TMEFF1: variants seen among roughly 807,000 people sequenced by gnomAD.
TMEFF1 encodes the protein transmembrane protein with EGF like and two follistatin like domains 1, also known as tomoregulin-1.
TMEFF1 carries 20 observed loss-of-function variants against 47.5 expected under a neutral mutation model. The ratio of observed to expected loss-of-function variants is 0.42; its 90% confidence interval spans 0.30 to 0.61. The LOEUF (loss-of-function observed/expected upper bound fraction) is 0.61. Among genes scored for constraint, TMEFF1 ranks in the 20% least tolerant of loss-of-function variants. The probability of loss-of-function intolerance (pLI) is 0.19; values close to 1 mark genes in which losing one functional copy is unlikely to be tolerated. For missense variants in TMEFF1, 411 were observed against 471.1 expected, an observed-to-expected ratio of 0.87 and a Z score of 1.18; for synonymous variants, 162 against 166.3, an observed-to-expected ratio of 0.97 and a Z score of 0.20.
chr9:100,559,268 A>G (rs1838970754), intron 7 of TMEFF1, among the ~76,000 whole-genome samples: 1 of 152,190 alleles, frequency 6.6e-6, no homozygotes, highest in African/African-American at 2.4e-5. Flanking sequence ...TTGCAATGGC[A>G]GAATTATAGT....
intron 8 of TMEFF1, among the ~76,000 whole-genome samples, chr9:100,568,442 G>A (rs763111083): frequency 5.9e-5 from 9 of 152,130 alleles, no homozygotes; most frequent in Non-Finnish European, 1.2e-4. Context: ...ATGTTAGAAG[G>A]TGCCCTCTTT....
chr9:100,534,189 A>G (rs968260284), intron 5 of TMEFF1, among the ~76,000 whole-genome samples: 65 of 152,184 alleles, frequency 4.3e-4, no homozygotes, highest in African/African-American at 1.5e-3. Flanking sequence ...AAATTTTATG[A>G]TAAACATGAA....
intron 8 of TMEFF1, among the ~76,000 whole-genome samples, chr9:100,565,969 T>G (rs1010299158): frequency 4.6e-5 from 7 of 152,154 alleles, no homozygotes; most frequent in Non-Finnish European, 8.8e-5. Context: ...TCCCTAACAC[T>G]CCACTGAGAC....
intron 6 of TMEFF1, among the ~76,000 whole-genome samples, chr9:100,549,605 G>T (rs944336446): frequency 6.6e-6 from 1 of 152,126 alleles, no homozygotes; most frequent in African/African-American, 2.4e-5. Context: ...TTCTAAACAC[G>T]TGGTTATGGC....
intron 1 of TMEFF1, among the ~76,000 whole-genome samples, chr9:100,490,865 G>GTGTGTGTGTGTGTGTGTA (rs1159901701): frequency 2.5e-4 from 37 of 148,132 alleles, no homozygotes; most frequent in African/African-American, 8.4e-4. Flanking sequence ...GTGTGTGTGT[G>GTGTGTGTGTGTGTGTGTA]TGTGTGTATG....
rs1838079278 is a variant in TMEFF1, at chr9:100,516,657, AT to A, written c.464-13del. 1 of 1,605,738 alleles carries A rather than the reference AT, an allele frequency of 6.2e-7. No individual in the cohort carries two copies. Among genetic ancestry groups the A allele is most frequent in the Non-Finnish European group, 8.5e-7 (1 of 1,177,314 alleles). On this transcript the variant is annotated splice_polypyrimidine_tract_variant and intron_variant, in intron 4 of 9. Coordinates refer to ENST00000374879, the MANE Select transcript of TMEFF1 (RefSeq NM_003692.5). ...ATCCCAACTTTTGGTTGTAAATTTG[AT>A]TTTTCTTTTTAAACAGAAGAGGAAG... is the stretch of plus-strand genomic sequence containing the variant.
At chr9:100,576,383 C>A in intron 9 of TMEFF1, 133 bp from the exon 10 acceptor site, 3 of 1,121,710 alleles carry the variant, frequency 2.7e-6, no homozygotes, top group Non-Finnish European at 3.8e-6. Context: ...GATACCATCT[C>A]ATTTCCCTTT....
At chr9:100,516,232 T>C (rs1015378445) in intron 4 of TMEFF1, among the ~76,000 whole-genome samples, 5 of 152,156 alleles carry the variant, frequency 3.3e-5, no homozygotes, top group Non-Finnish European at 7.3e-5. Context: ...AGTATGAAAC[T>C]GATGTGAGGA....
rs1439103284 is a variant in TMEFF1, at chr9:100,478,134, A to G, written c.196+4394A>G. ...GCTCTGTATTCTGTTACTGTCCCCT[A>G]CCCATGCCACTTACCTTAGAAGCTG... On this transcript the variant is annotated intron_variant, in intron 1 of 9. Coordinates refer to ENST00000374879, the MANE Select transcript of TMEFF1 (RefSeq NM_003692.5). Among the ~76,000 whole-genome samples the G allele has an allele frequency of 2.0e-5, 3 of 152,070 alleles. No homozygotes were observed. The South Asian group carries it at 6.2e-4, about 32-fold the overall frequency.
At chr9:100,566,165 A>G (rs926953166) in intron 8 of TMEFF1, among the ~76,000 whole-genome samples, 2 of 151,974 alleles carry the variant, frequency 1.3e-5, no homozygotes, top group African/African-American at 2.4e-5. Flanking sequence ...GCTGCTTCCC[A>G]CTTTGCTCCT....
At chr9:100,527,364 C>T (rs1028316327) in intron 5 of TMEFF1, among the ~76,000 whole-genome samples, 1 of 152,176 alleles carries the variant, frequency 6.6e-6, no homozygotes, top group African/African-American at 2.4e-5. Context: ...AGACAGTGGG[C>T]ACAGGTCAGT....
rs1837153273 is a variant in TMEFF1 at position 100,473,357 on chromosome 9, C to T, written c.-188C>T. 2 of 319,214 alleles carry T rather than the reference C, an allele frequency of 6.3e-6. No homozygotes were observed. The highest frequency in any genetic ancestry group is 2.8e-4 in the South Asian group (2 of 7,194). The allele number at this position is 319,214 out of a possible 1,614,324, so 19.8% of individuals were successfully genotyped here. A position where few individuals can be genotyped will look rare whatever the true frequency, so the allele number is the denominator to read the frequency against. Reference sequence around the variant, plus strand: ...TCGCACGCGCCCGGACCCGCCGACTCCGTCCCGAGCGCCGCGGGCCCGGGC... The same window carrying T: ...TCGCACGCGCCCGGACCCGCCGACTTCGTCCCGAGCGCCGCGGGCCCGGGC... On this transcript the variant is annotated 5_prime_UTR_variant, in exon 1 of 10. Coordinates refer to ENST00000374879, the MANE Select transcript of TMEFF1 (RefSeq NM_003692.5). This position sits in a 1 kb window ranked among gnomAD's most constrained non-coding sequence, Gnocchi z 5.4.
At chr9:100,563,079 G>A (rs568608413) in intron 8 of TMEFF1, among the ~76,000 whole-genome samples, 11 of 152,062 alleles carry the variant, frequency 7.2e-5, no homozygotes, top group Non-Finnish European at 5.9e-5. Flanking sequence ...GCCTCCCAAA[G>A]TGCTGGGATT....
At chr9:100,545,448 A>G (rs1838715701) in intron 5 of TMEFF1, among the ~76,000 whole-genome samples, 1 of 152,162 alleles carries the variant, frequency 6.6e-6, no homozygotes, top group Non-Finnish European at 1.5e-5. Context: ...AGCAGCTGAG[A>G]TGCAGGGCAC....
At chr9:100,507,368 A>G (rs1357698868) in intron 2 of TMEFF1, among the ~76,000 whole-genome samples, 2 of 152,166 alleles carry the variant, frequency 1.3e-5, no homozygotes, top group African/African-American at 4.8e-5. Flanking sequence ...TCCTTTGGGT[A>G]CCTACCCAGT....
At chr9:100,505,894 T>C (rs1038725440) in intron 2 of TMEFF1, among the ~76,000 whole-genome samples, 5 of 152,328 alleles carry the variant, frequency 3.3e-5, no homozygotes, top group Non-Finnish European at 7.4e-5. Flanking sequence ...CCTTGGCTAA[T>C]TGAGTATTGT....
At chr9:100,539,592 T>C (rs1273534947) in intron 5 of TMEFF1, among the ~76,000 whole-genome samples, 3 of 152,186 alleles carry the variant, frequency 2.0e-5, no homozygotes, top group African/African-American at 4.8e-5. Context: ...GTGGTCTTGC[T>C]GGCTTCAGGA....
chr9:100,484,660 C>T (rs1837415057), intron 1 of TMEFF1, among the ~76,000 whole-genome samples: 1 of 151,500 alleles, frequency 6.6e-6, no homozygotes, highest in South Asian at 2.1e-4. Context: ...CCAATCCCCA[C>T]CTCTCCTCAT....
intron 1 of TMEFF1, among the ~76,000 whole-genome samples, chr9:100,495,383 T>C (rs1432118291): frequency 6.6e-6 from 1 of 152,202 alleles, no homozygotes; most frequent in Non-Finnish European, 1.5e-5. Flanking sequence ...TCAAGGTCAA[T>C]ACAAGTCTTG....
Sources: allele counts gnomAD v4.1 joint callset (sites outside exome capture counted in the v4.1 genomes callset), GRCh38; gene constraint gnomAD v4.1.1; non-coding constraint Gnocchi (gnomAD v3.1); transcripts MANE v1.5; gene names NCBI Gene and HGNC (gene_info 2026-07-23, HGNC 2026-07-21).